Variants in CCDC150 observed in about 807,000 individuals in gnomAD.
The protein encoded by CCDC150 is coiled-coil domain-containing protein 150.
A neutral mutation model predicts 156.5 loss-of-function variants in CCDC150; 151 were observed. The ratio of observed to expected loss-of-function variants is 0.97; its 90% CI spans 0.85 to 1.10. The LOEUF (loss-of-function observed/expected upper bound fraction) is 1.10. CCDC150 is among the 50% of genes least tolerant of loss of function. The pLI is 0.00. For synonymous variants in CCDC150, 452 were observed against 429.4 expected (o/e 1.05, Z -0.65); for missense variants, 1,312 against 1,268.1 (o/e 1.03, Z -0.53).
chr2:196,639,797 G>A lies in CCDC150; in HGVS notation c.12+19G>A. The A allele has an allele frequency of 6.3e-7, 1 of 1,575,206 alleles. No homozygotes were observed. Among genetic ancestry groups the A allele is most frequent in the Non-Finnish European group, 8.6e-7 (1 of 1,156,640 alleles). ...CTGTAAGGTGAGGCTGCCGGGCCCC[G>A]GGCTGGTGAGGGGTGGTCGGAGGCT... On this transcript the variant is annotated intron_variant, in intron 1 of 27. Coordinates refer to ENST00000389175, the MANE Select transcript of CCDC150 (RefSeq NM_001080539.2).
intron 15 of CCDC150, among the ~76,000 whole-genome samples, chr2:196,705,324 A>G (rs919272759): frequency 1.3e-4 from 20 of 152,150 alleles, no homozygotes; most frequent in Admixed American, 8.5e-4. Context: ...GCATTTTTTC[A>G]TGTGTCTGTT....
intron 4 of CCDC150, chr2:196,657,463 T>A: frequency 9.1e-6 from 2 of 219,398 alleles, no homozygotes; most frequent in African/African-American, 2.3e-5. Flanking sequence ...AGAAATTAAA[T>A]AAGGAAAAAA....
intron 19 of CCDC150, 51 bp downstream of exon 19, chr2:196,719,717 G>A: frequency 7.4e-7 from 1 of 1,343,470 alleles, no homozygotes; most frequent in South Asian, 1.9e-5. Context: ...TTGTACTAAG[G>A]AGCAGTGTCA....
At chr2:196,660,776 T>C (rs1693513640) in intron 5 of CCDC150, among the ~76,000 whole-genome samples, 1 of 152,238 alleles carries the variant, frequency 6.6e-6, no homozygotes, top group Non-Finnish European at 1.5e-5. Flanking sequence ...CTCTTAGCTG[T>C]CTTTCACAGA....
chr2:196,728,748 G>A (rs1418204891), intron 22 of CCDC150, among the ~76,000 whole-genome samples: 1 of 152,160 alleles, frequency 6.6e-6, no homozygotes, highest in Non-Finnish European at 1.5e-5. Context: ...CAGAGTAATT[G>A]TGTGTGCCAG....
Position 196,718,495 on chromosome 2 carries a change from C to T in CCDC150, c.1867-8C>T, listed in dbSNP as rs776619438. ...AATGTTATTTATTGTTTCTTTTTTCCTACTTAGGTGAAATCTATTCTTGAA... is the reference window on the plus strand; with the variant it reads ...AATGTTATTTATTGTTTCTTTTTTCTTACTTAGGTGAAATCTATTCTTGAA... On this transcript the variant is annotated splice_polypyrimidine_tract_variant and splice_region_variant and intron_variant, in intron 17 of 27. Coordinates refer to ENST00000389175, the MANE Select transcript of CCDC150 (RefSeq NM_001080539.2). 15 of 1,589,620 alleles carry T rather than the reference C, an allele frequency of 9.4e-6. No individual in the cohort carries two copies. In the African/African-American group the frequency reaches 1.8e-4, roughly 19 times the overall value.
intron 17 of CCDC150, among the ~76,000 whole-genome samples, chr2:196,717,038 A>T (rs1697562003): frequency 1.3e-5 from 2 of 149,552 alleles, no homozygotes; most frequent in South Asian, 4.3e-4. Context: ...TTTATTTTTT[A>T]TTTTTATTTT....
At chr2:196,640,794 G>T (rs78743542) in intron 1 of CCDC150, among the ~76,000 whole-genome samples, 17,299 of 152,184 alleles carry the variant, frequency 0.11, 1,089 homozygotes, top group Middle Eastern at 0.19. Flanking sequence ...GTTCTGGCCA[G>T]CAGCATCTCT....
intron 13 of CCDC150, among the ~76,000 whole-genome samples, chr2:196,689,339 A>T (rs1695302991): frequency 6.6e-6 from 1 of 152,010 alleles, no homozygotes; most frequent in East Asian, 1.9e-4. Context: ...CTTGGGCAGT[A>T]TGGCCATTTT....
intron 13 of CCDC150, among the ~76,000 whole-genome samples, chr2:196,688,678 C>G (rs548072542): frequency 1.3e-5 from 2 of 152,078 alleles, no homozygotes; most frequent in Admixed American, 1.3e-4. Flanking sequence ...CGAAAATTTT[C>G]TCCCATTTTG....
intron 5 of CCDC150, among the ~76,000 whole-genome samples, chr2:196,659,540 T>A (rs1445543091): frequency 6.6e-6 from 1 of 152,212 alleles, no homozygotes; most frequent in Non-Finnish European, 1.5e-5. Context: ...AGGTTATAAA[T>A]TTTAGTGCTT....
intron 2 of CCDC150, 139 bp downstream of exon 2, chr2:196,646,643 A>T: frequency 1.5e-6 from 1 of 670,528 alleles, no homozygotes; most frequent in Non-Finnish European, 2.5e-6. Context: ...CTTAGAAAAC[A>T]TTTGCAAAAT....
intron 1 of CCDC150, among the ~76,000 whole-genome samples, chr2:196,646,077 T>C (rs1296704163): frequency 1.3e-5 from 2 of 152,222 alleles, no homozygotes; most frequent in South Asian, 2.1e-4. Flanking sequence ...GTCTGTTTGA[T>C]GTCATTGTCA....
At chr2:196,664,516 T>G (rs965134089) in intron 5 of CCDC150, among the ~76,000 whole-genome samples, 32 of 152,326 alleles carry the variant, frequency 2.1e-4, no homozygotes, top group African/African-American at 7.5e-4. Flanking sequence ...GCAGGCCCTT[T>G]CTGGGGCTAA....
chr2:196,695,121 T>C lies in CCDC150; in HGVS notation c.1585T>C (p.Ser529Pro). 1 of 1,612,072 alleles carries C rather than the reference T, an allele frequency of 6.2e-7. No homozygotes were observed. Among genetic ancestry groups the C allele is most frequent in the East Asian group, 2.2e-5 (1 of 44,826 alleles). ...ENKHLADQMA[S>P]LELQQVTSDY... is the part of the protein sequence containing the mutation. ...TAAGCACCTGGCAGATCAAATGGCT[T>C]CCCTAGAACTTCAGCAAGTCACTTC... The change falls in exon 14 of 28, where the codon TCC becomes CCC. Residue 529 changes from serine (S) to proline (P), a missense_variant. By Grantham distance (74) the Ser-to-Pro change is moderately conservative. Coordinates refer to ENST00000389175, the MANE Select transcript of CCDC150 (RefSeq NM_001080539.2).
intron 10 of CCDC150, 33 bp from the exon 11 acceptor site, chr2:196,676,110 G>C: frequency 1.9e-6 from 3 of 1,610,748 alleles, no homozygotes; most frequent in Non-Finnish European, 2.5e-6. Context: ...ACTTTGTGGA[G>C]CTTCAACTTC....
At chr2:196,644,204 C>T (rs1559209550) in intron 1 of CCDC150, among the ~76,000 whole-genome samples, 1 of 152,062 alleles carries the variant, frequency 6.6e-6, no homozygotes, top group Non-Finnish European at 1.5e-5. Flanking sequence ...CCTGCTGAGG[C>T]GAGGCTGGGG....
rs879085137 is a variant in CCDC150 at position 196,639,757 on chromosome 2, A to T, written c.-10A>T. Reference sequence around the variant, plus strand: ...CTCGCCTGCTGCAGTACGGAGCCTCAGGCGGACAGATGGACTGTAAGGTGA... The same window carrying T: ...CTCGCCTGCTGCAGTACGGAGCCTCTGGCGGACAGATGGACTGTAAGGTGA... On this transcript the variant is annotated 5_prime_UTR_variant, in exon 1 of 28. Coordinates refer to ENST00000389175, the MANE Select transcript of CCDC150 (RefSeq NM_001080539.2). The T allele has an allele frequency of 1.3e-6, 2 of 1,570,564 alleles. No homozygotes were observed. Among genetic ancestry groups the T allele is most frequent in the South Asian group, 2.4e-5 (2 of 84,836 alleles).
chr2:196,706,570 AG>A (rs1347174183), intron 15 of CCDC150, among the ~76,000 whole-genome samples: 1 of 152,184 alleles, frequency 6.6e-6, no homozygotes, highest in African/African-American at 2.4e-5. Context: ...GTGGTGAGAG[AG>A]GGCATCCCTG....
Sources: gnomAD v4.1 joint callset for allele counts (sites outside exome capture counted in the v4.1 genomes callset) on GRCh38, gnomAD v4.1.1 for gene constraint, MANE v1.5 for transcripts, NCBI Gene and HGNC (gene_info 2026-07-23, HGNC 2026-07-21) for gene names.